TMEM181: variants seen among roughly 807,000 people sequenced by gnomAD.
TMEM181 encodes transmembrane protein 181.
Under a neutral mutation model 71.9 loss-of-function variants are expected in TMEM181, and 39 were observed. That is an observed-to-expected ratio of 0.54 (90% CI 0.42 to 0.71). TMEM181 has a LOEUF of 0.71. TMEM181 is among the 30% of genes least tolerant of loss of function. TMEM181 has a pLI of 0.00. For missense variants in TMEM181, 595 were observed against 583.0 expected (o/e 1.02, Z -0.21); for synonymous variants, 245 against 228.8 (o/e 1.07, Z -0.64).
At chr6:158,594,301 G>A (rs535271514) in intron 6 of TMEM181, among the ~76,000 whole-genome samples, 1 of 152,036 alleles carries the variant, frequency 6.6e-6, no homozygotes, top group African/African-American at 2.4e-5. Context: ...GTTTCACCAT[G>A]TTGGCCAGGC....
intron 6 of TMEM181, among the ~76,000 whole-genome samples, chr6:158,594,570 T>A (rs60662607): frequency 0.13 from 20,417 of 152,256 alleles, 1,534 homozygotes; most frequent in Middle Eastern, 0.2. Context: ...CTGCAGCTTG[T>A]TTGTCCATTG....
At chr6:158,577,800 A>G (rs1352903817) in intron 2 of TMEM181, among the ~76,000 whole-genome samples, 2 of 152,200 alleles carry the variant, frequency 1.3e-5, no homozygotes, top group African/African-American at 4.8e-5. Flanking sequence ...GTTCTAAAAG[A>G]AAACTGTTGG....
rs1350209418 is a variant in TMEM181 at position 158,620,479 on chromosome 6, G to A, written c.897-3071G>A. 7.2e-5 allele frequency among the ~76,000 whole-genome samples: 11 copies of A among 152,110 alleles called. No homozygotes were observed. Among genetic ancestry groups the A allele is most frequent in the Non-Finnish European group, 1.3e-4 (9 of 68,024 alleles). On this transcript the variant is annotated intron_variant, in intron 10 of 16. Transcript: ENST00000684151. The surrounding 1 kb of genome is among the most constrained non-coding windows in gnomAD (Gnocchi z 4.5). ...GAATCACCAAAGGGCTTCCCGAACC[G>A]GCATGCGTGAGGAAGAGAGAGGGAG... is the stretch of plus-strand genomic sequence containing the variant.
chr6:158,616,848 G>T (rs1233420940), intron 10 of TMEM181, among the ~76,000 whole-genome samples: 3 of 152,166 alleles, frequency 2.0e-5, no homozygotes, highest in African/African-American at 7.2e-5. Flanking sequence ...CTTGATCGTG[G>T]TGGATAAGCT....
chr6:158,589,357 T>C (rs1317321034), intron 5 of TMEM181, among the ~76,000 whole-genome samples: 1 of 152,192 alleles, frequency 6.6e-6, no homozygotes, highest in African/African-American at 2.4e-5. Context: ...TGTGCTCTAG[T>C]GTTATATATT....
chr6:158,617,189 G>C (rs1785662863), intron 10 of TMEM181, among the ~76,000 whole-genome samples: 1 of 152,082 alleles, frequency 6.6e-6, no homozygotes, highest in Non-Finnish European at 1.5e-5. Context: ...AAGAGATTCA[G>C]CTTCTTCCTG....
chr6:158,634,796 G>T lies in TMEM181; in HGVS notation c.*2908G>T, dbSNP rs1786854761. On this transcript the variant is annotated 3_prime_UTR_variant, in exon 17 of 17. Transcript: ENST00000684151. Reference sequence around the variant, plus strand: ...GCAGGTTACAAGACAAATGTCACCAGCCTCAAGTATTTTATGAACTATTTA... The same window carrying T: ...GCAGGTTACAAGACAAATGTCACCATCCTCAAGTATTTTATGAACTATTTA... 1 of 151,918 alleles carries T rather than the reference G, an allele frequency of 6.6e-6. No individual in the cohort carries two copies. The highest frequency in any genetic ancestry group is 6.6e-5 in the Admixed American group (1 of 15,250). 9.4% of individuals were successfully genotyped at this position (151,918 alleles called of 1,614,324 possible).
At position 158,608,440 on chromosome 6, in the gene TMEM181, G is replaced by T; in HGVS notation, c.781G>T (p.Val261Leu). 1 of 1,614,206 alleles carries T rather than the reference G, an allele frequency of 6.2e-7. No individual in the cohort carries two copies. The highest frequency in any genetic ancestry group is 1.1e-5 in the South Asian group (1 of 91,084). ...CGCCCTGCTGCTCTTCTGGCTGTGC[G>T]TGTACCACGGGATTCGTGTCCAGGT... ...LCALLLFWLC[V>L]YHGIRVQGER... Residue 261 changes from valine to leucine, a missense_variant, in exon 9 of 17, where the codon GTG becomes TTG. Transcript: ENST00000684151.
In TMEM181 at chr6:158,616,740, A is replaced by G. The variant is rs867472886; in HGVS notation, c.897-6810A>G. Among the ~76,000 whole-genome samples, 8 of 152,344 alleles carry G rather than the reference A, an allele frequency of 5.3e-5. No individual in the cohort carries two copies. The Middle Eastern group carries it at 0.01, about 194-fold the overall frequency. On this transcript the variant is annotated intron_variant, in intron 10 of 16. Coordinates refer to ENST00000684151, the MANE Select transcript of TMEM181 (RefSeq NM_001376852.1). ...AGGCCTTTTCTGCATCTATTGAGAT[A>G]ATCACGTGGTTTTTGTCTTTGGTTC... is the stretch of plus-strand genomic sequence containing the variant.
intron 1 of TMEM181, among the ~76,000 whole-genome samples, chr6:158,570,485 C>T (rs1358798133): frequency 1.3e-5 from 2 of 152,024 alleles, no homozygotes; most frequent in Admixed American, 6.6e-5. Flanking sequence ...TCGTGATCCG[C>T]CCGCCTTGGC....
chr6:158,585,103 C>T (rs1209666380), intron 4 of TMEM181, among the ~76,000 whole-genome samples: 2 of 152,008 alleles, frequency 1.3e-5, no homozygotes, highest in African/African-American at 4.8e-5. Flanking sequence ...ACATAGACCC[C>T]CTGGGTGCTG....
chr6:158,608,952 G>T (rs539952685), intron 10 of TMEM181, among the ~76,000 whole-genome samples: 19 of 152,208 alleles, frequency 1.2e-4, no homozygotes, highest in Admixed American at 1.2e-3. Flanking sequence ...ACAAAAATTA[G>T]CTGGCCGTGG....
intron 10 of TMEM181, among the ~76,000 whole-genome samples, chr6:158,612,564 A>T (rs1162997749): frequency 1.3e-5 from 2 of 152,238 alleles, no homozygotes; most frequent in African/African-American, 4.8e-5. Context: ...GACCCATGGT[A>T]TGCTTTTTGT....
intron 1 of TMEM181, among the ~76,000 whole-genome samples, chr6:158,544,102 C>T (rs533572776): frequency 2.6e-5 from 4 of 152,018 alleles, no homozygotes; most frequent in African/African-American, 9.7e-5. Context: ...CAGGGTGGCT[C>T]CGTCTCCCCG....
chr6:158,553,675 A>G (rs1373484127), intron 1 of TMEM181, among the ~76,000 whole-genome samples: 1 of 152,260 alleles, frequency 6.6e-6, no homozygotes, highest in Non-Finnish European at 1.5e-5. Flanking sequence ...ATGCAACAGT[A>G]TATTAATATG....
chr6:158,580,071 C>G (rs1000678494), intron 2 of TMEM181, among the ~76,000 whole-genome samples: 8 of 152,180 alleles, frequency 5.3e-5, no homozygotes, highest in African/African-American at 1.7e-4. Flanking sequence ...TGGCTCACGC[C>G]TGTAATCCCG....
At chr6:158,583,085 T>C (rs1359077862) in intron 3 of TMEM181, among the ~76,000 whole-genome samples, 1 of 151,710 alleles carries the variant, frequency 6.6e-6, no homozygotes, top group African/African-American at 2.4e-5. Flanking sequence ...ATAGAAAAAT[T>C]AGCTGGGTGT....
intron 11 of TMEM181, 119 bp downstream of exon 11, chr6:158,623,726 C>T (rs945468970): frequency 7.8e-6 from 5 of 644,176 alleles, no homozygotes; most frequent in Non-Finnish European, 1.0e-5. Context: ...TTGGGAAGGA[C>T]TACATAGAAA....
chr6:158,631,905 C>G lies in TMEM181; in HGVS notation c.*17C>G. 6.4e-7 allele frequency: 1 copy of G among 1,570,570 alleles called. No individual in the cohort carries two copies. Among genetic ancestry groups the G allele is most frequent in the Non-Finnish European group, 8.6e-7 (1 of 1,156,942 alleles). On this transcript the variant is annotated 3_prime_UTR_variant, in exon 17 of 17. Transcript: ENST00000684151. The stretch of plus-strand genomic sequence containing the variant: ...AGTGACTGAGCCCCGGCCAGCCCAG[C>G]GAGGCGACAAGATGCCTGGATGCTT...
Sources: gnomAD v4.1 joint callset for allele counts (sites outside exome capture counted in the v4.1 genomes callset) on GRCh38, gnomAD v4.1.1 for gene constraint, Gnocchi (gnomAD v3.1) non-coding constraint, MANE v1.5 for transcripts, NCBI Gene and HGNC (gene_info 2026-07-23, HGNC 2026-07-21) for gene names.